RPRD1A: variants seen among roughly 807,000 people sequenced by gnomAD.
RPRD1A encodes the protein regulation of nuclear pre-mRNA domain-containing protein 1A.
A neutral mutation model predicts 37.8 loss-of-function variants in RPRD1A; 9 were observed. That is an observed-to-expected ratio of 0.24 (90% CI 0.14 to 0.42). RPRD1A has a LOEUF of 0.42. Among genes scored for constraint, RPRD1A ranks in the 10% least tolerant of loss-of-function variants. RPRD1A has a pLI of 1.00. For synonymous variants in RPRD1A, 138 were observed against 139.7 expected, an observed-to-expected ratio of 0.99 and a Z score of 0.08; for missense variants, 255 against 371.0, an observed-to-expected ratio of 0.69 and a Z score of 2.57.
Position 36,061,906 on chromosome 18 carries a change from A to G in RPRD1A, c.151+5348T>C, listed in dbSNP as rs997652783. Among the ~76,000 whole-genome samples the G allele has an allele frequency of 2.5e-4, 38 of 152,234 alleles. 1 individual carries two copies. The highest frequency in any genetic ancestry group is 1.3e-4 in the Admixed American group (2 of 15,282). The stretch of plus-strand genomic sequence containing the variant: ...GTGTCATTAGTCATCTGGGAAATGC[A>G]TATCAAAATCATGAGATACCACTTC... On this transcript the variant is annotated intron_variant, in intron 1 of 6. Coordinates refer to ENST00000399022, the MANE Select transcript of RPRD1A (RefSeq NM_018170.5).
chr18:36,024,163 G>A (rs112482339), intron 6 of RPRD1A, among the ~76,000 whole-genome samples: 8,649 of 151,888 alleles, frequency 0.057, 293 homozygotes, highest in Non-Finnish European at 0.082. Flanking sequence ...ACGCGCACGC[G>A]CGTGATGGAG....
At chr18:36,022,906 G>A (rs141112309) in intron 6 of RPRD1A, among the ~76,000 whole-genome samples, 2 of 152,324 alleles carry the variant, frequency 1.3e-5, no homozygotes, top group East Asian at 3.9e-4. Context: ...AGGTTACAGT[G>A]AGCTGTGATT....
chr18:36,004,137 T>C (rs1377071361), intron 6 of RPRD1A, among the ~76,000 whole-genome samples: 1 of 149,828 alleles, frequency 6.7e-6, no homozygotes, highest in African/African-American at 2.5e-5. Context: ...AGACAAATTC[T>C]AGCTCTAACA....
At chr18:36,041,066 GA>G (rs1348861187) in intron 1 of RPRD1A, among the ~76,000 whole-genome samples, 1 of 152,178 alleles carries the variant, frequency 6.6e-6, no homozygotes, top group Non-Finnish European at 1.5e-5. Flanking sequence ...GAGAATTGAA[GA>G]AAGGTTTTCT....
chr18:35,991,758 T>C lies in RPRD1A; in HGVS notation c.*1393A>G, dbSNP rs537802108. On this transcript the variant is annotated 3_prime_UTR_variant, in exon 7 of 7. Transcript: ENST00000399022. Reference sequence around the variant, plus strand: ...ACTACTTGGCTATTAAAAATAAATGTCTGCCTTCTTCATATGCAATTCATT... The same window carrying C: ...ACTACTTGGCTATTAAAAATAAATGCCTGCCTTCTTCATATGCAATTCATT... 1 of 152,208 alleles carries C rather than the reference T, an allele frequency of 6.6e-6. No homozygotes were observed. The highest frequency in any genetic ancestry group is 2.4e-5 in the African/African-American group (1 of 41,438). 9.4% of individuals were successfully genotyped at this position (152,208 alleles called of 1,614,324 possible).
intron 1 of RPRD1A, among the ~76,000 whole-genome samples, chr18:36,047,093 T>C (rs1356752426): frequency 1.3e-5 from 2 of 151,910 alleles, no homozygotes; most frequent in Non-Finnish European, 2.9e-5. Context: ...TGGTGGCTCA[T>C]ACCTGTAGTC....
At chr18:36,043,104 T>C (rs117359061) in intron 1 of RPRD1A, among the ~76,000 whole-genome samples, 1,398 of 139,090 alleles carry the variant, frequency 0.01, 12 homozygotes, top group Non-Finnish European at 0.015. Context: ...GATGTATTGA[T>C]ATGGAAAAAT....
Position 36,067,239 on chromosome 18 carries a change from A to C in RPRD1A, c.151+15T>G. Reference sequence around the variant, plus strand: ...CCGGGTGGTGGGAAGCGGCCGACATAAGCGGTTGACTCACCTTTCCGCAGC... The same window carrying C: ...CCGGGTGGTGGGAAGCGGCCGACATCAGCGGTTGACTCACCTTTCCGCAGC... On this transcript the variant is annotated intron_variant, in intron 1 of 6. Transcript: ENST00000399022. 1 of 1,567,054 alleles carries C rather than the reference A, an allele frequency of 6.4e-7. No homozygotes were observed. Among genetic ancestry groups the C allele is most frequent in the Non-Finnish European group, 8.7e-7 (1 of 1,155,482 alleles).
In RPRD1A at chr18:36,025,743, G is replaced by A; in HGVS notation, c.789+1157C>T. ...AAAAGACTAAAGACAAAAATTGTAT[G>A]ACATTACTTACCCTTAATTCTGTGG... On this transcript the variant is annotated intron_variant, in intron 6 of 6. Coordinates refer to ENST00000399022, the MANE Select transcript of RPRD1A (RefSeq NM_018170.5). The A allele has an allele frequency of 1.2e-5, 9 of 774,672 alleles. No individual in the cohort carries two copies. In the South Asian group the frequency reaches 1.4e-4, roughly 12 times the overall value. The allele number at this position is 774,672 out of a possible 1,614,324, so 48.0% of individuals were successfully genotyped here.
rs1302399606 is a variant in RPRD1A, at chr18:35,997,001, AAAG to A, written c.790-3704_790-3702del. ...TCAAAAAAAAAAAAAAAAAAAAAAAAAAGAACTATCTGTAATTTAAGATTACAA... is the reference window on the plus strand; with the variant it reads ...TCAAAAAAAAAAAAAAAAAAAAAAAAAACTATCTGTAATTTAAGATTACAA... On this transcript the variant is annotated intron_variant, in intron 6 of 6. Coordinates refer to ENST00000399022, the MANE Select transcript of RPRD1A (RefSeq NM_018170.5). Among the ~76,000 whole-genome samples, 130 of 144,480 alleles carry A rather than the reference AAAG, an allele frequency of 9.0e-4. 2 individuals carry two copies. The highest frequency in any genetic ancestry group is 3.3e-3 in the African/African-American group (122 of 36,982). The allele number at this position is 144,480 out of a possible 152,430, so 94.8% of individuals were successfully genotyped here.
chr18:36,049,449 T>C (rs953196591), intron 1 of RPRD1A, among the ~76,000 whole-genome samples: 1 of 149,080 alleles, frequency 6.7e-6, no homozygotes, highest in Non-Finnish European at 1.5e-5. Context: ...CCAAAAAACT[T>C]AGGGAGTTGG....
At chr18:36,062,884 A>G (rs749027322) in intron 1 of RPRD1A, 17 of 152,344 alleles carry the variant, frequency 1.1e-4, no homozygotes, top group Non-Finnish European at 1.8e-4. Flanking sequence ...TTCTATAAAC[A>G]TATCAAAAAC....
intron 6 of RPRD1A, among the ~76,000 whole-genome samples, chr18:36,014,528 G>A (rs1910376668): frequency 6.6e-6 from 1 of 152,226 alleles, no homozygotes. Context: ...CACGAGGTCA[G>A]GAGATCGAGA....
chr18:36,046,346 A>T (rs755039973), intron 1 of RPRD1A, among the ~76,000 whole-genome samples: 2 of 152,186 alleles, frequency 1.3e-5, no homozygotes, highest in African/African-American at 2.4e-5. Flanking sequence ...GTATCACAGG[A>T]GGCCTAGTGG....
At chr18:36,033,595 A>T in intron 2 of RPRD1A, 113 bp downstream of exon 2, 1 of 820,754 alleles carries the variant, frequency 1.2e-6, no homozygotes, top group Non-Finnish European at 1.8e-6. Flanking sequence ...AAATAAAAGC[A>T]TCAAAAAACT....
chr18:36,059,426 C>G (rs1038876216), intron 1 of RPRD1A, among the ~76,000 whole-genome samples: 20 of 152,186 alleles, frequency 1.3e-4, no homozygotes, highest in African/African-American at 4.6e-4. Flanking sequence ...GCATGCACCA[C>G]CATACCTGGC....
rs1908754399 is a variant in RPRD1A, at chr18:35,992,222, C to T, written c.*929G>A. The stretch of plus-strand genomic sequence containing the variant: ...ACTGAACATTAACGAATATTGTGTT[C>T]TTGAGCTATTAGAGCTAAAAGTATT... On this transcript the variant is annotated 3_prime_UTR_variant, in exon 7 of 7. Coordinates refer to ENST00000399022, the MANE Select transcript of RPRD1A (RefSeq NM_018170.5). 1.3e-5 allele frequency: 2 copies of T among 152,572 alleles called. No homozygotes were observed. Among genetic ancestry groups the T allele is most frequent in the African/African-American group, 2.4e-5 (1 of 41,446 alleles). 9.5% of individuals were successfully genotyped at this position (152,572 alleles called of 1,614,324 possible).
chr18:36,007,230 T>C (rs770929719), intron 6 of RPRD1A, among the ~76,000 whole-genome samples: 2 of 152,206 alleles, frequency 1.3e-5, no homozygotes, highest in African/African-American at 4.8e-5. Flanking sequence ...AATGGCTTTT[T>C]TGAAGCAAAA....
intron 1 of RPRD1A, among the ~76,000 whole-genome samples, chr18:36,066,820 CTATT>C (rs2089040170): frequency 2.0e-5 from 3 of 152,214 alleles, no homozygotes; most frequent in Non-Finnish European, 1.5e-5. Flanking sequence ...AACTATTCCT[CTATT>C]AATTTCACAA....
Sources: gnomAD v4.1 joint callset for allele counts (sites outside exome capture counted in the v4.1 genomes callset) on GRCh38, gnomAD v4.1.1 for gene constraint, MANE v1.5 for transcripts, NCBI Gene and HGNC (gene_info 2026-07-23, HGNC 2026-07-21) for gene names.